Variants in RIMKLB observed in about 807,000 individuals in gnomAD.
RIMKLB encodes the protein beta-citrylglutamate synthase B.
In RIMKLB, 7 loss-of-function variants were observed where a neutral mutation model predicts 32.0. The observed-to-expected ratio is 0.22, with a 90% CI of 0.12 to 0.41. The LOEUF is 0.41. Ranked by LOEUF, RIMKLB falls within the 10% of genes least tolerant of loss-of-function variation. The pLI is 1.00. For missense variants in RIMKLB, 289 were observed against 498.7 expected (o/e 0.58, Z 4.00); for synonymous variants, 172 against 185.1 (o/e 0.93, Z 0.57).
chr12:8,724,493 G>T (rs1034030224), intron 2 of RIMKLB, among the ~76,000 whole-genome samples: 2 of 152,042 alleles, frequency 1.3e-5, no homozygotes, highest in Admixed American at 1.3e-4. Flanking sequence ...TGTGTAATTG[G>T]TGATGTGCAC....
At chr12:8,729,972 G>T (rs1285513552) in intron 2 of RIMKLB, among the ~76,000 whole-genome samples, 1 of 152,154 alleles carries the variant, frequency 6.6e-6, no homozygotes, top group Non-Finnish European at 1.5e-5. Context: ...TTGGCTATTT[G>T]TATATCTTTG....
At chr12:8,760,250 A>G (rs1291271065) in intron 5 of RIMKLB, among the ~76,000 whole-genome samples, 1 of 152,186 alleles carries the variant, frequency 6.6e-6, no homozygotes, top group Admixed American at 6.5e-5. Flanking sequence ...AGTTTCATCC[A>G]TGTCCCTACA....
intron 5 of RIMKLB, among the ~76,000 whole-genome samples, chr12:8,772,783 G>A (rs1239492421): frequency 6.6e-6 from 1 of 152,184 alleles, no homozygotes; most frequent in Non-Finnish European, 1.5e-5. Context: ...AGAAAATCAA[G>A]TTCTACTTCC....
At chr12:8,698,693 G>T (rs993257735) in intron 1 of RIMKLB, among the ~76,000 whole-genome samples, 1 of 148,038 alleles carries the variant, frequency 6.8e-6, no homozygotes, top group Non-Finnish European at 1.5e-5. Context: ...TCGGGATTGC[G>T]GCGACACTCC....
At chr12:8,729,262 C>T (rs1046772069) in intron 2 of RIMKLB, among the ~76,000 whole-genome samples, 7 of 151,548 alleles carry the variant, frequency 4.6e-5, no homozygotes, top group Middle Eastern at 3.4e-3. Flanking sequence ...GGAATCAGGT[C>T]GCATAAGTGA....
Position 8,775,855 on chromosome 12 carries a change from A to T in RIMKLB, c.*2071A>T. The stretch of plus-strand genomic sequence containing the variant: ...GGATATTCTAATTGCATTTAAAAGA[A>T]CTTATCTTGCGCAGGGTAAATGGGG... On this transcript the variant is annotated 3_prime_UTR_variant, in exon 6 of 6. Coordinates refer to ENST00000535829, the MANE Select transcript of RIMKLB (RefSeq NM_001297776.2). 1.0e-6 allele frequency: 1 copy of T among 985,108 alleles called. No homozygotes were observed. Among genetic ancestry groups the T allele is most frequent in the Non-Finnish European group, 1.2e-6 (1 of 829,624 alleles). 61.0% of individuals were successfully genotyped at this position (985,108 alleles called of 1,614,324 possible).
At chr12:8,755,571 A>G (rs1948955539) in intron 5 of RIMKLB, among the ~76,000 whole-genome samples, 1 of 152,126 alleles carries the variant, frequency 6.6e-6, no homozygotes, top group Admixed American at 6.5e-5. Context: ...TGCACTCCTA[A>G]TACCACCTTC....
intron 5 of RIMKLB, among the ~76,000 whole-genome samples, chr12:8,771,734 C>A (rs773448079): frequency 4.5e-4 from 68 of 152,062 alleles, no homozygotes; most frequent in African/African-American, 1.6e-3. Flanking sequence ...ATCAGTTCAA[C>A]CTGGATTTTA....
chr12:8,770,322 T>C (rs760634153), intron 5 of RIMKLB, among the ~76,000 whole-genome samples: 1 of 152,230 alleles, frequency 6.6e-6, no homozygotes, highest in African/African-American at 2.4e-5. Context: ...CCTAGTCTCA[T>C]TGACCTTATA....
downstream of RIMKLB, chr12:8,777,196 C>T (rs983532262): frequency 5.7e-6 from 5 of 873,562 alleles, no homozygotes; most frequent in Non-Finnish European, 5.4e-6. Flanking sequence ...ACCAGGTTCA[C>T]TGACTGCTTG....
chr12:8,676,191 G>C, the RIMKLB span, among the ~76,000 whole-genome samples: 1 of 151,604 alleles, frequency 6.6e-6, no homozygotes, highest in East Asian at 1.9e-4. Flanking sequence ...TCCCACCTCA[G>C]CTCTCCCAGT....
chr12:8,737,154 A>C (rs866809689), intron 2 of RIMKLB, among the ~76,000 whole-genome samples: 3 of 152,136 alleles, frequency 2.0e-5, no homozygotes, highest in Admixed American at 2.0e-4. Context: ...ATACTCAAAA[A>C]TAGCTATATC....
At chr12:8,755,962 T>C (rs1948988023) in intron 5 of RIMKLB, among the ~76,000 whole-genome samples, 1 of 152,156 alleles carries the variant, frequency 6.6e-6, no homozygotes, top group Non-Finnish European at 1.5e-5. Context: ...AAGACTAGCC[T>C]GGCTAACATG....
intron 5 of RIMKLB, 73 bp from the exon 6 acceptor site, chr12:8,773,248 C>A: frequency 9.2e-7 from 1 of 1,086,428 alleles, no homozygotes; most frequent in Non-Finnish European, 1.4e-6. Context: ...AAGGCTTAGC[C>A]TTGGAGGCCA....
At chr12:8,682,748 G>T (rs1243882246) in intron 1 of RIMKLB, among the ~76,000 whole-genome samples, 1 of 151,344 alleles carries the variant, frequency 6.6e-6, no homozygotes, top group Non-Finnish European at 1.5e-5. Context: ...GCCCCGCCGG[G>T]GGGGAGGGAG....
chr12:8,731,095 T>G lies in RIMKLB; in HGVS notation c.175+17054T>G, dbSNP rs376553348. On this transcript the variant is annotated intron_variant, in intron 2 of 5. Coordinates refer to ENST00000535829, the MANE Select transcript of RIMKLB (RefSeq NM_001297776.2). ...TTGGTGCTGTAGACCTTTCACTGTT[T>G]CTCTTTTTCTTTTTCTTTGAGACGG... 3.3e-5 allele frequency among the ~76,000 whole-genome samples: 5 copies of G among 150,198 alleles called. No individual in the cohort carries two copies. The East Asian group carries it at 1.0e-3, about 30-fold the overall frequency.
intron 2 of RIMKLB, among the ~76,000 whole-genome samples, chr12:8,725,054 A>G (rs1945849095): frequency 6.6e-6 from 1 of 152,116 alleles, no homozygotes; most frequent in Non-Finnish European, 1.5e-5. Context: ...GTAGTTGTTT[A>G]AACTGTTGTT....
In RIMKLB at chr12:8,775,447, G is replaced by C. The variant is rs1402223727; in HGVS notation, c.*1663G>C. 1.0e-6 allele frequency: 1 copy of C among 985,500 alleles called. No homozygotes were observed. Among genetic ancestry groups the C allele is most frequent in the African/African-American group, 1.7e-5 (1 of 57,194 alleles). The allele number at this position is 985,500 out of a possible 1,614,324, so 61.0% of individuals were successfully genotyped here. A position where few individuals can be genotyped will look rare whatever the true frequency, so the allele number is the denominator to read the frequency against. On this transcript the variant is annotated 3_prime_UTR_variant, in exon 6 of 6. Transcript: ENST00000535829. ...AAATGGAGATGCTGCAGAGCCCAAC[G>C]TAATTTTTTAAACAGCAAGTTTTCC...
intron 1 of RIMKLB, among the ~76,000 whole-genome samples, chr12:8,706,302 G>C (rs746651953): frequency 6.6e-6 from 1 of 151,898 alleles, no homozygotes; most frequent in Non-Finnish European, 1.5e-5. Context: ...ACCATGCCTA[G>C]CTAATTTTTG....
Sources: gnomAD v4.1 joint callset for allele counts (sites outside exome capture counted in the v4.1 genomes callset) on GRCh38, gnomAD v4.1.1 for gene constraint, MANE v1.5 for transcripts, NCBI Gene and HGNC (gene_info 2026-07-23, HGNC 2026-07-21) for gene names.